The following DNM1L variants were observed in gnomAD, a reference collection of about 807,000 sequenced individuals.
DNM1L encodes dynamin-1-like protein.
In DNM1L, 33 loss-of-function variants were observed where a neutral mutation model predicts 92.8. That is an observed-to-expected ratio of 0.36 (90% CI 0.27 to 0.48). The LOEUF (loss-of-function observed/expected upper bound fraction) is 0.48. Ranked by LOEUF, DNM1L falls within the 20% of genes least tolerant of loss-of-function variation. The pLI is 0.99. For synonymous variants in DNM1L, 284 were observed against 305.0 expected (o/e 0.93, Z 0.72); for missense variants, 485 against 888.8 (o/e 0.55, Z 5.78).
intron 2 of DNM1L, among the ~76,000 whole-genome samples, chr12:32,701,965 C>T (rs142418842): frequency 0.02 from 3,055 of 150,558 alleles, 100 homozygotes; most frequent in African/African-American, 0.071. Context: ...TGACCTCAAG[C>T]CATCCGCCCG....
At chr12:32,724,412 C>T (rs1044315735) in intron 9 of DNM1L, among the ~76,000 whole-genome samples, 3 of 151,274 alleles carry the variant, frequency 2.0e-5, no homozygotes, top group Non-Finnish European at 2.9e-5. Context: ...CCCATCTCTA[C>T]TAAAAATACA....
Position 32,696,235 on chromosome 12 carries a change from A to G in DNM1L, c.103-5180A>G, listed in dbSNP as rs1592580968. ...AGAAGTCACAAAGTCTCTTACCTTT[A>G]TAAGTAAAGGAAAATCAGGGCCAGG... On this transcript the variant is annotated intron_variant, in intron 1 of 19. Transcript: ENST00000549701. Among the ~76,000 whole-genome samples, 4 of 152,260 alleles carry G rather than the reference A, an allele frequency of 2.6e-5. 1 individual carries two copies. Among genetic ancestry groups the G allele is most frequent in the Admixed American group, 2.6e-4 (4 of 15,276 alleles).
chr12:32,705,782 A>G (rs746782902), intron 2 of DNM1L: 4 of 1,567,296 alleles, frequency 2.6e-6, no homozygotes, highest in African/African-American at 2.7e-5. Context: ...AATTTTAGGG[A>G]TAAGCACTAA....
chr12:32,730,278 C>T (rs921076075), intron 9 of DNM1L, among the ~76,000 whole-genome samples: 15 of 152,202 alleles, frequency 9.9e-5, no homozygotes, highest in Admixed American at 9.2e-4. Context: ...GCAGGAGAAT[C>T]GCTTGAACCC....
Position 32,731,277 on chromosome 12 carries a change from C to T in DNM1L, c.1201-79C>T, listed in dbSNP as rs913931675. 6 of 1,594,620 alleles carry T rather than the reference C, an allele frequency of 3.8e-6. No homozygotes were observed. The highest frequency in any genetic ancestry group is 5.1e-6 in the Non-Finnish European group (6 of 1,169,688). The stretch of plus-strand genomic sequence containing the variant: ...TAAAAAGCATTTTTCATGAAAAGTA[C>T]CAAAAATGTGACTTTCTTAACCCTT... On this transcript the variant is annotated intron_variant, in intron 10 of 19. Coordinates refer to ENST00000549701, the MANE Select transcript of DNM1L (RefSeq NM_012062.5). This position sits in a 1 kb window ranked among gnomAD's most constrained non-coding sequence, Gnocchi z 5.1.
chr12:32,686,603 T>C (rs10844285), intron 1 of DNM1L, among the ~76,000 whole-genome samples: 23,433 of 152,206 alleles, frequency 0.15, 1,913 homozygotes, highest in Middle Eastern at 0.21. Context: ...CTGCTGTGAA[T>C]ATTGGTGTAC....
At chr12:32,679,533 T>TGCCCACTCCCGCGCCAGC (rs200885280) in intron 1 of DNM1L, 68 bp downstream of exon 1, 112 of 1,507,890 alleles carry the variant, frequency 7.4e-5, no homozygotes, top group African/African-American at 6.0e-4. Flanking sequence ...GCTGCGGCAG[T>TGCCCACTCCCGCGCCAGC]GCCCACTCCC....
chr12:32,715,339 CAACTT>C (rs1216517834), intron 6 of DNM1L, among the ~76,000 whole-genome samples: 5 of 152,024 alleles, frequency 3.3e-5, no homozygotes, highest in South Asian at 2.1e-4. Flanking sequence ...AAATTAGAAA[CAACTT>C]AATATGGCCA....
intron 7 of DNM1L, among the ~76,000 whole-genome samples, chr12:32,720,366 G>A (rs1452496072): frequency 6.6e-6 from 1 of 152,056 alleles, no homozygotes; most frequent in East Asian, 1.9e-4. Context: ...TATTGTTTTT[G>A]TCTATAGTTA....
chr12:32,697,193 C>T (rs1388873968), intron 1 of DNM1L, among the ~76,000 whole-genome samples: 9 of 151,930 alleles, frequency 5.9e-5, no homozygotes, highest in Non-Finnish European at 1.3e-4. Flanking sequence ...TATGCCATTG[C>T]ACTCCAGCCT....
At chr12:32,742,219 C>T (rs905991855) in intron 18 of DNM1L, among the ~76,000 whole-genome samples, 2 of 151,998 alleles carry the variant, frequency 1.3e-5, no homozygotes, top group Non-Finnish European at 2.9e-5. Flanking sequence ...ATTCTCGTAT[C>T]TCAGCCTCCC....
intron 9 of DNM1L, among the ~76,000 whole-genome samples, chr12:32,723,153 T>C (rs909499923): frequency 1.3e-5 from 2 of 151,670 alleles, no homozygotes; most frequent in African/African-American, 4.8e-5. Flanking sequence ...TTTTTTTTAA[T>C]TGAATCCAAA....
intron 16 of DNM1L, 111 bp from the exon 17 acceptor site, chr12:32,739,953 A>C: frequency 7.2e-7 from 1 of 1,382,468 alleles, no homozygotes; most frequent in Non-Finnish European, 1.0e-6. Flanking sequence ...TGTCTGAATA[A>C]ACTTCAGATG....
Position 32,745,020 on chromosome 12 carries a change from G to C in DNM1L, c.*1610G>C. The C allele has an allele frequency of 1.9e-6, 1 of 514,528 alleles. No individual in the cohort carries two copies. Among genetic ancestry groups the C allele is most frequent in the Non-Finnish European group, 3.9e-6 (1 of 258,802 alleles). 31.9% of individuals were successfully genotyped at this position (514,528 alleles called of 1,614,324 possible). On this transcript the variant is annotated 3_prime_UTR_variant, in exon 20 of 20. Transcript: ENST00000549701. Reference sequence around the variant, plus strand: ...GGAAAATATGAATATGTTAACTTTAGCTTATGGCATCAATTTACTAAGGAA... The same window carrying C: ...GGAAAATATGAATATGTTAACTTTACCTTATGGCATCAATTTACTAAGGAA...
intron 5 of DNM1L, chr12:32,711,375 T>C (rs1953116851): frequency 4.0e-6 from 1 of 250,294 alleles, no homozygotes. Context: ...CGTAAGGCTC[T>C]GTATATTGAC....
intron 9 of DNM1L, chr12:32,725,734 T>G (rs1253200946): frequency 1.3e-5 from 2 of 152,434 alleles, no homozygotes; most frequent in South Asian, 2.1e-4. Context: ...GCCTCCTGAG[T>G]AGCTGGGATT....
chr12:32,690,631 A>G (rs1952192610), intron 1 of DNM1L, among the ~76,000 whole-genome samples: 1 of 152,250 alleles, frequency 6.6e-6, no homozygotes, highest in Non-Finnish European at 1.5e-5. Flanking sequence ...GGCAAGTTAC[A>G]TAATTTTTCT....
At chr12:32,726,775 T>G in intron 9 of DNM1L, 1 of 621,996 alleles carries the variant, frequency 1.6e-6, no homozygotes, top group Non-Finnish European at 2.9e-6. Context: ...TTCCAATCTA[T>G]CTGGCCCCCT....
Position 32,731,424 on chromosome 12 carries a change from T to A in DNM1L, c.1269T>A (p.Arg423=), listed in dbSNP as rs370444077. ...FELLVKRQIK[R]LEEPSLRCVE... ...TACTGGTGAAGCGGCAAATCAAACG[T>A]CTAGAAGAGCCCAGCCTCCGCTGTG... Residue 423 remains arginine, a synonymous_variant, in exon 11 of 20, where the codon CGT becomes CGA. Coordinates refer to ENST00000549701, the MANE Select transcript of DNM1L (RefSeq NM_012062.5). This position sits in a 1 kb window ranked among gnomAD's most constrained non-coding sequence, Gnocchi z 5.1. The A allele has an allele frequency of 2.4e-5, 39 of 1,614,148 alleles. 3 individuals carry two copies. Among genetic ancestry groups the A allele is most frequent in the East Asian group, 6.7e-5 (3 of 44,882 alleles).
Sources: gnomAD v4.1 joint callset for allele counts (sites outside exome capture counted in the v4.1 genomes callset) on GRCh38, gnomAD v4.1.1 for gene constraint, Gnocchi (gnomAD v3.1) non-coding constraint, MANE v1.5 for transcripts, NCBI Gene and HGNC (gene_info 2026-07-23, HGNC 2026-07-21) for gene names.